IFT172: variants seen among roughly 807,000 people sequenced by gnomAD.
The protein encoded by IFT172 is intraflagellar transport 172.
In IFT172, 164 loss-of-function variants were observed where a neutral mutation model predicts 248.9. The observed-to-expected ratio is 0.66, with a 90% confidence interval of 0.58 to 0.75. The LOEUF (loss-of-function observed/expected upper bound fraction) is 0.75, where lower values mean the gene tolerates loss of function less well. Among genes scored for constraint, IFT172 ranks in the 30% least tolerant of loss-of-function variants. The pLI, the probability that IFT172 is intolerant of heterozygous loss-of-function variation, is 0.00. For missense variants in IFT172, 1,950 were observed against 2,192.4 expected, an observed-to-expected ratio of 0.89 and a Z score of 2.21; for synonymous variants, 729 against 791.6, an observed-to-expected ratio of 0.92 and a Z score of 1.33.
At chr2:27,485,595 C>A in intron 1 of IFT172, 92 bp from the exon 2 acceptor site, 2 of 1,430,440 alleles carry the variant, frequency 1.4e-6, no homozygotes, top group South Asian at 2.6e-5. Flanking sequence ...TAATACTGGT[C>A]AATTTTCTTC....
Position 27,477,230 on chromosome 2 carries a change from G to C in IFT172, c.1312C>G (p.Pro438Ala), listed in dbSNP as rs1359453358. The C allele has an allele frequency of 6.2e-7, 1 of 1,613,554 alleles. No individual in the cohort carries two copies. Among genetic ancestry groups the C allele is most frequent in the South Asian group, 1.1e-5 (1 of 91,068 alleles). The change falls in exon 13 of 48, where the codon CCC (proline) becomes GCC (alanine). Residue 438 changes from proline to alanine, a missense_variant. By Grantham distance (27) the Pro-to-Ala change is conservative. This residue lies in a region of IFT172 where 1,166 missense variants were observed against 1,254.1 expected (regional missense o/e 0.93). Coordinates refer to ENST00000260570, the MANE Select transcript of IFT172 (RefSeq NM_015662.3). ...LGSVRTEFMN[P>A]HLISVRINER... The stretch of plus-strand genomic sequence containing the variant: ...TTGTGAGGTTACCTGATGAGGTGGG[G>C]GTTCATGAATTCAGTGCGTACAGAA...
intron 42 of IFT172, among the ~76,000 whole-genome samples, chr2:27,447,251 A>T (rs902505586): frequency 2.0e-5 from 3 of 152,250 alleles, no homozygotes; most frequent in African/African-American, 7.2e-5. Flanking sequence ...TGTGTACATT[A>T]TAAGAGGTGA....
chr2:27,475,328 G>T (rs1231204672), intron 14 of IFT172, among the ~76,000 whole-genome samples: 1 of 152,128 alleles, frequency 6.6e-6, no homozygotes, highest in Non-Finnish European at 1.5e-5. Context: ...TCCATTCTAG[G>T]CATGGAACTA....
chr2:27,465,212 G>C, intron 18 of IFT172, 199 bp downstream of exon 18: 2 of 585,958 alleles, frequency 3.4e-6, no homozygotes, highest in Non-Finnish European at 6.1e-6. Flanking sequence ...CAGCCATCAC[G>C]CCTGGTCAAG....
chr2:27,446,931 C>CCTCATGA (rs1462264052), intron 42 of IFT172, among the ~76,000 whole-genome samples: 1 of 151,878 alleles, frequency 6.6e-6, no homozygotes, highest in Non-Finnish European at 1.5e-5. Context: ...GATCTCCTGA[C>CCTCATGA]CTCATGATCC....
At chr2:27,457,479 G>A (rs1666252027) in intron 29 of IFT172, among the ~76,000 whole-genome samples, 160 bp downstream of exon 29, 1 of 152,156 alleles carries the variant, frequency 6.6e-6, no homozygotes, top group Non-Finnish European at 1.5e-5. Flanking sequence ...GTTGAGGTGG[G>A]AGGATCGAGT....
At chr2:27,485,948 G>T (rs145993299) in intron 1 of IFT172, among the ~76,000 whole-genome samples, 332 of 152,282 alleles carry the variant, frequency 2.2e-3, no homozygotes, top group Non-Finnish European at 3.5e-3. Context: ...TAATAAGATG[G>T]TGCAAAATAG....
intron 1 of IFT172, 116 bp from the exon 2 acceptor site, chr2:27,485,619 A>C (rs939840532): frequency 1.6e-6 from 2 of 1,242,816 alleles, no homozygotes; most frequent in Non-Finnish European, 2.2e-6. Flanking sequence ...TCACGGTTCT[A>C]TCCTCAAAAC....
chr2:27,461,789 C>T lies in IFT172; in HGVS notation c.2163G>A (p.Trp721Ter), dbSNP rs1302574160. The T allele has an allele frequency of 6.2e-7, 1 of 1,614,138 alleles. No homozygotes were observed. The highest frequency in any genetic ancestry group is 8.5e-7 in the Non-Finnish European group (1 of 1,180,022). Residue 721 changes from tryptophan to a stop codon, truncating the protein, a stop_gained, in exon 21 of 48, where the codon TGG becomes TGA. Coordinates refer to ENST00000260570, the MANE Select transcript of IFT172 (RefSeq NM_015662.3). LOFTEE classifies it high-confidence loss of function. ...CTTCAGCCACAGCGATACACTCATCCCAACGGTGTAGCTCCTGGTACATGC... is the reference window on the plus strand; with the variant it reads ...CTTCAGCCACAGCGATACACTCATCTCAACGGTGTAGCTCCTGGTACATGC... ...AMGMYQELHRWDECIAVAEAK... is the reference protein window; with the variant it reads ...AMGMYQELHR
At position 27,465,788 on chromosome 2, in the gene IFT172, A is replaced by G; in HGVS notation, c.1787T>C (p.Leu596Pro). The G allele has an allele frequency of 6.2e-7, 1 of 1,614,096 alleles. No homozygotes were observed. Among genetic ancestry groups the G allele is most frequent in the Non-Finnish European group, 8.5e-7 (1 of 1,180,010 alleles). The change falls in exon 17 of 48, where the codon CTC (leucine) becomes CCC (proline). Residue 596 changes from leucine to proline, a missense_variant. Leu to Pro is a moderately conservative substitution (Grantham distance 98). Transcript: ENST00000260570. ...TTVAYTLDEG[L>P]IEFGTAIDDG... ...ATCAATGGCTGTTCCAAACTCGATG[A>G]GGCCCTCATCCAATGTGTAGGCAAC...
At position 27,454,605 on chromosome 2, in the gene IFT172, C is replaced by T. The variant is rs144121974; in HGVS notation, c.3427G>A (p.Glu1143Lys). Residue 1143 changes from glutamate (E) to lysine (K), a missense_variant, in exon 31 of 48, where the codon GAG (glutamate) becomes AAG (lysine). Glu to Lys is a moderately conservative substitution (Grantham distance 56). Coordinates refer to ENST00000260570, the MANE Select transcript of IFT172 (RefSeq NM_015662.3). The surrounding 1 kb of genome is among the most constrained non-coding windows in gnomAD (Gnocchi z 4.2). Reference sequence around the variant, plus strand: ...AACATAGCATATTTGAGATGAACCTCGGGGGTTTTGTGCTTGAGGGCCAGC... The same window carrying T: ...AACATAGCATATTTGAGATGAACCTTGGGGGTTTTGTGCTTGAGGGCCAGC... Reference protein sequence around the residue: ...SRLALKHKTPEVHLKYAMFLE... With the variant: ...SRLALKHKTPKVHLKYAMFLE... 9.3e-6 allele frequency: 15 copies of T among 1,613,944 alleles called. No homozygotes were observed. In the African/African-American group the frequency reaches 1.6e-4, roughly 17 times the overall value.
intron 5 of IFT172, 82 bp from the exon 6 acceptor site, chr2:27,483,741 C>A: frequency 6.7e-7 from 1 of 1,503,538 alleles, no homozygotes; most frequent in Non-Finnish European, 9.2e-7. Context: ...AAAAACTGTC[C>A]CACAAAACTG....
At chr2:27,480,787 G>A (rs138187608) in intron 8 of IFT172, among the ~76,000 whole-genome samples, 332 of 152,190 alleles carry the variant, frequency 2.2e-3, no homozygotes, top group Non-Finnish European at 3.5e-3. Context: ...GTCTCAAAGG[G>A]GGCAATGGAA....
intron 10 of IFT172, among the ~76,000 whole-genome samples, chr2:27,478,675 T>G (rs534999091): frequency 5.7e-4 from 87 of 152,354 alleles, no homozygotes; most frequent in Non-Finnish European, 1.0e-3. Context: ...GACAATGTCT[T>G]ACAGATAATT....
intron 17 of IFT172, 93 bp from the exon 18 acceptor site, chr2:27,465,611 G>T: frequency 1.3e-6 from 2 of 1,526,878 alleles, no homozygotes; most frequent in Non-Finnish European, 1.8e-6. Context: ...AGGGGGAAGG[G>T]CCATCTTTGT....
chr2:27,445,930 T>G lies in IFT172; in HGVS notation c.4814A>C (p.Asp1605Ala). The G allele has an allele frequency of 6.2e-7, 1 of 1,614,216 alleles. No homozygotes were observed. The highest frequency in any genetic ancestry group is 1.1e-5 in the South Asian group (1 of 91,088). ...IFLNRFLDLTDAIEEGTLDGL... is the reference protein window; with the variant it reads ...IFLNRFLDLTAAIEEGTLDGL... ...TCGGGGCACAGCTTCCCTACTCACATCGGTCAGGTCCAAAAAGCGATTGAG... is the reference window on the plus strand; with the variant it reads ...TCGGGGCACAGCTTCCCTACTCACAGCGGTCAGGTCCAAAAAGCGATTGAG... The change falls in exon 44 of 48, where the codon GAT becomes GCT. Residue 1605 changes from aspartate to alanine, a missense_variant and splice_region_variant. Physicochemically the swap from Asp to Ala is moderately radical, Grantham distance 126 (BLOSUM62 -2). Transcript: ENST00000260570. The surrounding 1 kb of genome is among the most constrained non-coding windows in gnomAD (Gnocchi z 4.4).
In IFT172 at chr2:27,445,147, A is replaced by T; in HGVS notation, c.5069-42T>A. ...AATGATGAACTGGGGTTTGAGAGAG[A>T]TTGAGGAGGGAAAAATGAGGAGCAG... On this transcript the variant is annotated intron_variant, in intron 46 of 47. Coordinates refer to ENST00000260570, the MANE Select transcript of IFT172 (RefSeq NM_015662.3). This position sits in a 1 kb window ranked among gnomAD's most constrained non-coding sequence, Gnocchi z 4.4. 6.2e-7 allele frequency: 1 copy of T among 1,611,002 alleles called. No homozygotes were observed. Among genetic ancestry groups the T allele is most frequent in the Non-Finnish European group, 8.5e-7 (1 of 1,178,308 alleles).
intron 1 of IFT172, among the ~76,000 whole-genome samples, chr2:27,488,321 T>A (rs1042688389): frequency 3.9e-5 from 6 of 151,990 alleles, no homozygotes; most frequent in Admixed American, 2.0e-4. Context: ...GCCCGGCTAA[T>A]TTTTGCATTT....
At position 27,470,033 on chromosome 2, in the gene IFT172, TA is replaced by T. The variant is rs1351470636; in HGVS notation, c.1692+894del. ...AGGTAACCTCTACAGAAACAGGACA[TA>T]TAACTTTCAAACCCAAAATGTGGAG... On this transcript the variant is annotated intron_variant, in intron 16 of 47. Transcript: ENST00000260570. Among the ~76,000 whole-genome samples, 6 of 151,842 alleles carry T rather than the reference TA, an allele frequency of 4.0e-5. No homozygotes were observed. The East Asian group carries it at 1.2e-3, about 29-fold the overall frequency.
Sources: allele counts gnomAD v4.1 joint callset (sites outside exome capture counted in the v4.1 genomes callset), GRCh38; gene constraint gnomAD v4.1.1; regional missense constraint gnomAD v4.1.1; non-coding constraint Gnocchi (gnomAD v3.1); transcripts MANE v1.5; gene names NCBI Gene and HGNC (gene_info 2026-07-23, HGNC 2026-07-21).